Variants in COL19A1 observed in about 807,000 individuals in gnomAD.
COL19A1 encodes collagen alpha-1(XIX) chain.
A neutral mutation model predicts 190.2 loss-of-function variants in COL19A1; 159 were observed. The observed-to-expected ratio is 0.84, with a 90% CI of 0.73 to 0.95. The LOEUF (loss-of-function observed/expected upper bound fraction) is 0.95, where lower values mean the gene tolerates loss of function less well. Ranked by LOEUF, COL19A1 falls within the 40% of genes least tolerant of loss-of-function variation. COL19A1 has a pLI of 0.00. For missense variants in COL19A1, 1,418 were observed against 1,431.9 expected, an observed-to-expected ratio of 0.99 and a Z score of 0.16; for synonymous variants, 509 against 458.9, an observed-to-expected ratio of 1.11 and a Z score of -1.39.
intron 48 of COL19A1, among the ~76,000 whole-genome samples, chr6:70,194,977 G>A (rs1767098499): frequency 6.6e-6 from 1 of 150,762 alleles, no homozygotes; most frequent in Non-Finnish European, 1.5e-5. Context: ...ATATATATAT[G>A]CATATATATA....
intron 41 of COL19A1, among the ~76,000 whole-genome samples, chr6:70,175,796 A>G (rs916098236): frequency 3.3e-5 from 5 of 152,156 alleles, no homozygotes. Flanking sequence ...TTAGTTAGCA[A>G]TGACACCTTT....
intron 2 of COL19A1, among the ~76,000 whole-genome samples, chr6:69,891,523 T>A (rs1769350154): frequency 6.6e-6 from 1 of 152,192 alleles, no homozygotes; most frequent in African/African-American, 2.4e-5. Flanking sequence ...TGCCTGGTTT[T>A]CTTCTCTTCC....
intron 2 of COL19A1, among the ~76,000 whole-genome samples, chr6:69,888,795 A>G (rs1044915944): frequency 6.9e-6 from 1 of 144,146 alleles, no homozygotes; most frequent in African/African-American, 2.6e-5. Flanking sequence ...AAAAAAAAAA[A>G]GCAGTGTTCC....
intron 4 of COL19A1, among the ~76,000 whole-genome samples, chr6:69,925,659 C>G (rs1404526122): frequency 1.3e-5 from 2 of 152,116 alleles, no homozygotes; most frequent in Admixed American, 1.3e-4. Context: ...GGCATTGAAT[C>G]TATAAATTAT....
intron 10 of COL19A1, among the ~76,000 whole-genome samples, chr6:69,960,722 G>A (rs114308700): frequency 0.019 from 2,858 of 147,320 alleles, 85 homozygotes; most frequent in African/African-American, 0.059. Flanking sequence ...CTCTGCCTCC[G>A]TTCACGCCAT....
chr6:69,971,916 A>T (rs575620617), intron 11 of COL19A1, among the ~76,000 whole-genome samples: 1 of 152,172 alleles, frequency 6.6e-6, no homozygotes, highest in Non-Finnish European at 1.5e-5. Context: ...TTACAAAACT[A>T]TTCATGTGGC....
At position 70,207,366 on chromosome 6, in the gene COL19A1, T is replaced by G; in HGVS notation, c.*92T>G. Reference sequence around the variant, plus strand: ...AAACCCTCATCATCTGTGGGTTGCTTTTTTTTTTTTTTTTTTTTTTTGGGA... The same window carrying G: ...AAACCCTCATCATCTGTGGGTTGCTGTTTTTTTTTTTTTTTTTTTTTGGGA... On this transcript the variant is annotated 3_prime_UTR_variant, in exon 51 of 51. Transcript: ENST00000620364. 2.6e-5 allele frequency: 13 copies of G among 492,432 alleles called. No individual in the cohort carries two copies. Among genetic ancestry groups the G allele is most frequent in the Middle Eastern group, 5.5e-4 (1 of 1,822 alleles). The allele number at this position is 492,432 out of a possible 1,614,324, so 30.5% of individuals were successfully genotyped here.
intron 14 of COL19A1, among the ~76,000 whole-genome samples, chr6:70,060,350 A>G (rs180954395): frequency 6.6e-6 from 1 of 152,248 alleles, no homozygotes; most frequent in East Asian, 1.9e-4. Flanking sequence ...TAGAGGTTAG[A>G]AAAAAATGAG....
At chr6:69,940,898 T>C (rs1466387131) in intron 9 of COL19A1, among the ~76,000 whole-genome samples, 1 of 152,202 alleles carries the variant, frequency 6.6e-6, no homozygotes, top group Non-Finnish European at 1.5e-5. Flanking sequence ...TCTGCTCCTA[T>C]TGCACTATGT....
At chr6:69,986,051 A>T (rs1776293401) in intron 11 of COL19A1, among the ~76,000 whole-genome samples, 1 of 151,990 alleles carries the variant, frequency 6.6e-6, no homozygotes, top group Non-Finnish European at 1.5e-5. Context: ...TTGCTTAGTC[A>T]TGAAAAATGA....
chr6:69,923,958 T>C (rs1400222991), intron 4 of COL19A1, among the ~76,000 whole-genome samples: 1 of 152,172 alleles, frequency 6.6e-6, no homozygotes. Flanking sequence ...AGTCAAACAC[T>C]TTACAGAATT....
chr6:69,932,886 T>A, intron 7 of COL19A1, 23 bp downstream of exon 7: 1 of 1,448,804 alleles, frequency 6.9e-7, no homozygotes, highest in Non-Finnish European at 9.6e-7. Context: ...TCTTTGCATA[T>A]GAAGAATGAA....
intron 11 of COL19A1, among the ~76,000 whole-genome samples, chr6:69,981,352 C>A (rs1437308586): frequency 6.6e-6 from 1 of 151,780 alleles, no homozygotes; most frequent in African/African-American, 2.4e-5. Context: ...GCTGGGTAAT[C>A]TAAATTGATA....
At chr6:70,114,249 GC>G (rs1370758134) in intron 16 of COL19A1, among the ~76,000 whole-genome samples, 2 of 152,112 alleles carry the variant, frequency 1.3e-5, no homozygotes, top group Admixed American at 1.3e-4. Flanking sequence ...ACCACACGAT[GC>G]CCTGCTCGAT....
intron 11 of COL19A1, among the ~76,000 whole-genome samples, chr6:70,016,513 G>C (rs2150097927): frequency 6.7e-6 from 1 of 148,502 alleles, no homozygotes; most frequent in East Asian, 2.0e-4. Flanking sequence ...TTAAATATGT[G>C]AAACTTATTG....
chr6:70,090,758 A>G (rs1373136560), intron 15 of COL19A1, among the ~76,000 whole-genome samples: 2 of 152,130 alleles, frequency 1.3e-5, no homozygotes, highest in Non-Finnish European at 2.9e-5. Context: ...GAAACTCCTA[A>G]CGGCTTCACA....
At chr6:70,058,887 G>C (rs1457872768) in intron 14 of COL19A1, among the ~76,000 whole-genome samples, 1 of 151,780 alleles carries the variant, frequency 6.6e-6, no homozygotes, top group Non-Finnish European at 1.5e-5. Flanking sequence ...TTACTTATTT[G>C]CTTTTTTCTT....
intron 2 of COL19A1, 142 bp downstream of exon 2, chr6:69,879,800 G>A (rs1768393296): frequency 1.3e-6 from 1 of 749,768 alleles, no homozygotes; most frequent in African/African-American, 1.8e-5. Flanking sequence ...TTCTTCCATT[G>A]ATCTTCCCAT....
chr6:70,160,388 A>G (rs1265689705), intron 34 of COL19A1, among the ~76,000 whole-genome samples: 1 of 152,222 alleles, frequency 6.6e-6, no homozygotes, highest in East Asian at 1.9e-4. Flanking sequence ...CTCCCTCTAC[A>G]TGTGGGGATT....
Sources: gnomAD v4.1 joint callset for allele counts (sites outside exome capture counted in the v4.1 genomes callset) on GRCh38, gnomAD v4.1.1 for gene constraint, MANE v1.5 for transcripts, NCBI Gene and HGNC (gene_info 2026-07-23, HGNC 2026-07-21) for gene names.